EVPLL: variants seen among roughly 807,000 people sequenced by gnomAD.
The protein encoded by EVPLL is envoplakin like, also known as envoplakin-like protein.
In EVPLL, 39 loss-of-function variants were observed where a neutral mutation model predicts 46.2. The ratio of observed to expected loss-of-function variants is 0.84; its 90% CI spans 0.65 to 1.10. EVPLL has a LOEUF of 1.10. Ranked by LOEUF, EVPLL falls within the 50% of genes least tolerant of loss-of-function variation. The pLI is 0.00. For synonymous variants in EVPLL, 156 were observed against 165.8 expected (o/e 0.94, Z 0.46); for missense variants, 385 against 412.6 (o/e 0.93, Z 0.58).
chr17:18,385,067 GGAGA>G (rs991223807), intron 9 of EVPLL, among the ~76,000 whole-genome samples: 1 of 151,618 alleles, frequency 6.6e-6, no homozygotes, highest in African/African-American at 2.4e-5. Flanking sequence ...AGGGAGAGAG[GGAGA>G]GAGAGACAGA....
intron 9 of EVPLL, among the ~76,000 whole-genome samples, chr17:18,384,620 T>C (rs1987709496): frequency 6.6e-6 from 1 of 151,658 alleles, no homozygotes; most frequent in Non-Finnish European, 1.5e-5. Flanking sequence ...TAGTCAGAGC[T>C]ACTTGGGAGG....
At chr17:18,383,427 AGG>A (rs372254001) in intron 8 of EVPLL, 49 bp downstream of exon 8, 2 of 266,240 alleles carry the variant, frequency 7.5e-6, no homozygotes, top group Non-Finnish European at 1.2e-5. Context: ...TGGGCGGGGA[AGG>A]GGGGGGTGGA....
intron 4 of EVPLL, chr17:18,382,221 T>G: frequency 2.6e-6 from 1 of 379,272 alleles, no homozygotes; most frequent in South Asian, 2.8e-5. Flanking sequence ...CAGGAAGCAC[T>G]GAGGCTGGGT....
chr17:18,382,743 G>A, intron 5 of EVPLL, 83 bp from the exon 6 acceptor site: 3 of 1,563,462 alleles, frequency 1.9e-6, no homozygotes, highest in East Asian at 2.4e-5. Context: ...GGGGTGGGTG[G>A]GGTATGGCTT....
In EVPLL at chr17:18,381,479, C is replaced by T. The variant is rs1987570620; in HGVS notation, c.176C>T (p.Ala59Val). 3.1e-6 allele frequency: 5 copies of T among 1,613,750 alleles called. No individual in the cohort carries two copies. Among genetic ancestry groups the T allele is most frequent in the African/African-American group, 1.3e-5 (1 of 74,936 alleles). The change falls in exon 3 of 11, where the codon GCC (alanine) becomes GTC (valine). Residue 59 changes from alanine (A) to valine (V), a missense_variant. Coordinates refer to ENST00000399134, the MANE Select transcript of EVPLL (RefSeq NM_001145127.2). This position sits in a 1 kb window ranked among gnomAD's most constrained non-coding sequence, Gnocchi z 4.2. ...GACCTCTTCCTGGACGTGGACAAGGCCCGGCGGCTCAAGCACCCGCAGGCT... is the reference window on the plus strand; with the variant it reads ...GACCTCTTCCTGGACGTGGACAAGGTCCGGCGGCTCAAGCACCCGCAGGCT... ...LKDLFLDVDK[A>V]RRLKHPQAEE...
chr17:18,383,374 T>C lies in EVPLL; in HGVS notation c.776T>C (p.Ile259Thr), dbSNP rs757029274. 2.8e-5 allele frequency: 39 copies of C among 1,391,866 alleles called. No homozygotes were observed. The highest frequency in any genetic ancestry group is 4.6e-5 in the African/African-American group (3 of 65,620). The allele number at this position is 1,391,866 out of a possible 1,614,324, so 86.2% of individuals were successfully genotyped here. A position where few individuals can be genotyped will look rare whatever the true frequency, so the allele number is the denominator to read the frequency against. The stretch of plus-strand genomic sequence containing the variant: ...CTGCGGCACCCCGCGGTGGGGCCCA[T>C]CCAGGTGCGCTGGGGGCAGGGCGAG... The part of the protein sequence containing the change: ...VELRHPAVGP[I>T]QAHQEALKME... The change falls in exon 8 of 11, where the codon ATC (isoleucine) becomes ACC (threonine). Residue 259 changes from isoleucine (I) to threonine (T), a missense_variant. Physicochemically the swap from Ile to Thr is moderately conservative, Grantham distance 89 (BLOSUM62 -1). Coordinates refer to ENST00000399134, the MANE Select transcript of EVPLL (RefSeq NM_001145127.2).
intron 8 of EVPLL, 40 bp from the exon 9 acceptor site, chr17:18,383,452 G>A: frequency 5.2e-6 from 8 of 1,545,700 alleles, no homozygotes; most frequent in Non-Finnish European, 7.0e-6. Context: ...TGGGTGCGGG[G>A]GCGGGGCGTG....
At chr17:18,386,739 A>G (rs1987776092) in intron 9 of EVPLL, among the ~76,000 whole-genome samples, 1 of 151,942 alleles carries the variant, frequency 6.6e-6, no homozygotes, top group Non-Finnish European at 1.5e-5. Context: ...TATTCCTTCC[A>G]ATCTGTGGTT....
intron 5 of EVPLL, 29 bp downstream of exon 5, chr17:18,382,667 G>A (rs1205161587): frequency 6.4e-7 from 1 of 1,552,252 alleles, no homozygotes. Flanking sequence ...TGTTACATCC[G>A]GGGCCAGCCC....
intron 1 of EVPLL, chr17:18,380,654 C>T (rs1346562068): frequency 2.7e-5 from 10 of 374,572 alleles, no homozygotes; most frequent in Admixed American, 1.6e-4. Context: ...ACACCGAGGC[C>T]GCCTGACACC....
Position 18,381,804 on chromosome 17 carries a change from G to A in EVPLL, c.346+74G>A. Reference sequence around the variant, plus strand: ...ACTGCATTTAACCCAGGGCCTGACTGTAGGCTTGAACAGTCAGTGTATAGT... The same window carrying A: ...ACTGCATTTAACCCAGGGCCTGACTATAGGCTTGAACAGTCAGTGTATAGT... On this transcript the variant is annotated intron_variant, in intron 4 of 10. Transcript: ENST00000399134. This position sits in a 1 kb window ranked among gnomAD's most constrained non-coding sequence, Gnocchi z 4.2. The A allele has an allele frequency of 1.2e-6, 2 of 1,606,818 alleles. No individual in the cohort carries two copies. The highest frequency in any genetic ancestry group is 1.7e-6 in the Non-Finnish European group (2 of 1,176,696).
In EVPLL at chr17:18,381,293, C is replaced by T; in HGVS notation, c.64-74C>T. On this transcript the variant is annotated intron_variant, in intron 2 of 10. Coordinates refer to ENST00000399134, the MANE Select transcript of EVPLL (RefSeq NM_001145127.2). This position sits in a 1 kb window ranked among gnomAD's most constrained non-coding sequence, Gnocchi z 4.2. Reference sequence around the variant, plus strand: ...TAGCTGGGGTCCCAAAGGTGGGGCTCAGGCCCACAATGATGGGCAGCAGGG... The same window carrying T: ...TAGCTGGGGTCCCAAAGGTGGGGCTTAGGCCCACAATGATGGGCAGCAGGG... 6.8e-7 allele frequency: 1 copy of T among 1,473,860 alleles called. No individual in the cohort carries two copies. The highest frequency in any genetic ancestry group is 1.4e-5 in the South Asian group (1 of 72,496). The allele number at this position is 1,473,860 out of a possible 1,614,324, so 91.3% of individuals were successfully genotyped here. A position where few individuals can be genotyped will look rare whatever the true frequency, so the allele number is the denominator to read the frequency against.
chr17:18,381,823 G>A lies in EVPLL; in HGVS notation c.346+93G>A. On this transcript the variant is annotated intron_variant, in intron 4 of 10. Transcript: ENST00000399134. The surrounding 1 kb of genome is among the most constrained non-coding windows in gnomAD (Gnocchi z 4.2). Reference sequence around the variant, plus strand: ...CTGACTGTAGGCTTGAACAGTCAGTGTATAGTGGTGTCTCAGGGGTCTGGG... The same window carrying A: ...CTGACTGTAGGCTTGAACAGTCAGTATATAGTGGTGTCTCAGGGGTCTGGG... The A allele has an allele frequency of 6.3e-7, 1 of 1,576,826 alleles. No individual in the cohort carries two copies.
intron 1 of EVPLL, among the ~76,000 whole-genome samples, chr17:18,379,362 T>G (rs3764406): frequency 0.99 from 150,634 of 152,384 alleles, 74,456 homozygotes; most frequent in East Asian, 1. Flanking sequence ...AGACACCGAG[T>G]CTGGGCGTCT....
At chr17:18,383,818 C>T (rs548029942) in intron 9 of EVPLL, 298 of 509,890 alleles carry the variant, frequency 5.8e-4, no homozygotes, top group South Asian at 1.3e-3. Flanking sequence ...ACTAAAAATA[C>T]CAAAATTAGC....
chr17:18,381,634 G>C lies in EVPLL; in HGVS notation c.250G>C (p.Glu84Gln). Reference protein sequence around the residue: ...IEQLHERVTQECAEYCALYEK... With the variant: ...IEQLHERVTQQCAEYCALYEK... ...GCAGCTGCACGAGCGGGTGACCCAG[G>C]AGTGTGCGGAGTACTGTGCCCTGTA... Residue 84 changes from glutamate (E) to glutamine (Q), a missense_variant, in exon 4 of 11, where the codon GAG becomes CAG. Transcript: ENST00000399134. This position sits in a 1 kb window ranked among gnomAD's most constrained non-coding sequence, Gnocchi z 4.2. 2 of 1,614,196 alleles carry C rather than the reference G, an allele frequency of 1.2e-6. No individual in the cohort carries two copies. The highest frequency in any genetic ancestry group is 1.7e-6 in the Non-Finnish European group (2 of 1,180,042).
At position 18,383,266 on chromosome 17, in the gene EVPLL, C is replaced by T. The variant is rs767340648; in HGVS notation, c.673-5C>T. On this transcript the variant is annotated splice_polypyrimidine_tract_variant and splice_region_variant and intron_variant, in intron 7 of 10. Coordinates refer to ENST00000399134, the MANE Select transcript of EVPLL (RefSeq NM_001145127.2). ...ACCGCCGCTCCCCACCCGACTCGCC[C>T]CCAGCACTTCAAGCAGCACGAGCTG... 1.9e-6 allele frequency: 3 copies of T among 1,579,212 alleles called. No homozygotes were observed. The highest frequency in any genetic ancestry group is 2.6e-6 in the Non-Finnish European group (3 of 1,165,112).
chr17:18,380,645 C>T, intron 1 of EVPLL: 1 of 358,576 alleles, frequency 2.8e-6, no homozygotes, highest in Non-Finnish European at 5.1e-6. Context: ...GAGGCTGGGA[C>T]ACCGAGGCCG....
intron 9 of EVPLL, among the ~76,000 whole-genome samples, chr17:18,386,967 T>C (rs1336965198): frequency 6.6e-6 from 1 of 151,392 alleles, no homozygotes; most frequent in Non-Finnish European, 1.5e-5. Flanking sequence ...TGATCTCTGC[T>C]CACTGCAAGC....
Sources: gnomAD v4.1 joint callset for allele counts (sites outside exome capture counted in the v4.1 genomes callset) on GRCh38, gnomAD v4.1.1 for gene constraint, Gnocchi (gnomAD v3.1) non-coding constraint, MANE v1.5 for transcripts, NCBI Gene and HGNC (gene_info 2026-07-23, HGNC 2026-07-21) for gene names.